The following BASP1 variants were observed in gnomAD, a reference collection of about 807,000 sequenced individuals.
BASP1 encodes the protein brain abundant membrane attached signal protein 1.
Under a neutral mutation model 2.2 loss-of-function variants are expected in BASP1, and 1 was observed. That is an observed-to-expected ratio of 0.46 (90% confidence interval 0.16 to 2.17). The LOEUF (loss-of-function observed/expected upper bound fraction) is 2.17, where lower values mean the gene tolerates loss of function less well. Ranked by LOEUF, BASP1 falls within the 30% of genes most tolerant of loss-of-function variation. BASP1 has a pLI of 0.27. For missense variants in BASP1, 352 were observed against 327.2 expected, an observed-to-expected ratio of 1.08 and a Z score of -0.58; for synonymous variants, 187 against 154.2, an observed-to-expected ratio of 1.21 and a Z score of -1.58.
At chr5:17,262,865 GAGA>G (rs1359611832) in intron 1 of BASP1, among the ~76,000 whole-genome samples, 5 of 120,778 alleles carry the variant, frequency 4.1e-5, no homozygotes, top group Non-Finnish European at 8.5e-5. Flanking sequence ...TTTTTTTTTT[GAGA>G]AGGAGTCTTG....
chr5:17,263,950 G>A (rs970963764), intron 1 of BASP1, among the ~76,000 whole-genome samples: 1 of 152,150 alleles, frequency 6.6e-6, no homozygotes, highest in African/African-American at 2.4e-5. Context: ...GATGTTATTA[G>A]AATTGCTAAA....
chr5:17,248,268 C>T (rs559254269), intron 1 of BASP1, among the ~76,000 whole-genome samples: 2 of 152,266 alleles, frequency 1.3e-5, no homozygotes, highest in South Asian at 4.1e-4. Context: ...ACCAAATGTC[C>T]GTTATCTGGA....
At chr5:17,258,323 T>A (rs957108260) in intron 1 of BASP1, among the ~76,000 whole-genome samples, 2 of 152,220 alleles carry the variant, frequency 1.3e-5, no homozygotes, top group Non-Finnish European at 2.9e-5. Context: ...TTTCAGGTTT[T>A]ACAGATGATG....
At chr5:17,257,221 T>C (rs929058612) in intron 1 of BASP1, among the ~76,000 whole-genome samples, 1 of 152,212 alleles carries the variant, frequency 6.6e-6, no homozygotes, top group Non-Finnish European at 1.5e-5. Context: ...CATTGTGAGA[T>C]TTATTAACAT....
chr5:17,245,594 A>G (rs1212323610), intron 1 of BASP1, among the ~76,000 whole-genome samples: 1 of 152,152 alleles, frequency 6.6e-6, no homozygotes, highest in Non-Finnish European at 1.5e-5. Context: ...GATTAATGAT[A>G]ATAAATTTTA....
At chr5:17,250,542 A>G (rs1740081452) in intron 1 of BASP1, among the ~76,000 whole-genome samples, 1 of 152,218 alleles carries the variant, frequency 6.6e-6, no homozygotes, top group Admixed American at 6.5e-5. Context: ...AGAGATGATC[A>G]TAGGGGAAGG....
intron 1 of BASP1, among the ~76,000 whole-genome samples, chr5:17,252,485 T>G (rs377410129): frequency 2.0e-5 from 3 of 152,184 alleles, no homozygotes; most frequent in Non-Finnish European, 4.4e-5. Flanking sequence ...GGGATGGAAC[T>G]CTTGCTTGAC....
At chr5:17,248,252 G>T (rs1198220813) in intron 1 of BASP1, among the ~76,000 whole-genome samples, 2 of 152,200 alleles carry the variant, frequency 1.3e-5, no homozygotes, top group Non-Finnish European at 2.9e-5. Flanking sequence ...AAAGGACCTA[G>T]TTGATACCAA....
At chr5:17,217,619 G>C (rs948748370), upstream of BASP1, 1 of 156,290 alleles carries the variant, frequency 6.4e-6, no homozygotes, top group Non-Finnish European at 1.4e-5. Flanking sequence ...CTGCAGCGGC[G>C]GCGGCGGCGG....
At chr5:17,272,613 T>C (rs1740552689) in intron 1 of BASP1, among the ~76,000 whole-genome samples, 1 of 152,334 alleles carries the variant, frequency 6.6e-6, no homozygotes, top group Admixed American at 6.5e-5. Context: ...ATCCTGCTTT[T>C]CGAGGGTTCA....
At chr5:17,269,131 T>A (rs563782334) in intron 1 of BASP1, among the ~76,000 whole-genome samples, 4 of 152,212 alleles carry the variant, frequency 2.6e-5, no homozygotes, top group Non-Finnish European at 5.9e-5. Flanking sequence ...TCACCTTACC[T>A]TGCTGACCTA....
chr5:17,238,285 C>T (rs1033700425), intron 1 of BASP1, among the ~76,000 whole-genome samples: 4 of 151,770 alleles, frequency 2.6e-5, no homozygotes, highest in Non-Finnish European at 5.9e-5. Context: ...ATTCATTCTA[C>T]GTAGCTGGCT....
At chr5:17,227,228 C>A (rs1739528376) in intron 1 of BASP1, among the ~76,000 whole-genome samples, 1 of 138,340 alleles carries the variant, frequency 7.2e-6, no homozygotes, top group African/African-American at 2.7e-5. Flanking sequence ...CGCACCCGTC[C>A]TTTTTTCTTT....
chr5:17,228,723 G>A lies in BASP1; in HGVS notation c.-10+10913G>A, dbSNP rs115616717. On this transcript the variant is annotated intron_variant, in intron 1 of 1. Coordinates refer to ENST00000322611, the MANE Select transcript of BASP1 (RefSeq NM_006317.5). ...GACCAGTTGGCAGATTGGGACACAC[G>A]TACAAACACTATTCCTTTAACTTGC... Among the ~76,000 whole-genome samples the A allele has an allele frequency of 3.9e-5, 6 of 152,294 alleles. No homozygotes were observed. The South Asian group carries it at 6.2e-4, about 16-fold the overall frequency.
chr5:17,230,034 G>A (rs1366934020), intron 1 of BASP1, among the ~76,000 whole-genome samples: 2 of 152,060 alleles, frequency 1.3e-5, no homozygotes, highest in South Asian at 2.1e-4. Flanking sequence ...TTACAGGCAT[G>A]AGCTACCGCA....
chr5:17,225,334 G>A (rs151193655), intron 1 of BASP1, among the ~76,000 whole-genome samples: 17 of 150,194 alleles, frequency 1.1e-4, no homozygotes, highest in Middle Eastern at 3.2e-3. Context: ...AGACCTCTTC[G>A]GCCTTTTAAT....
At chr5:17,221,092 T>C (rs1269485177) in intron 1 of BASP1, among the ~76,000 whole-genome samples, 1 of 152,218 alleles carries the variant, frequency 6.6e-6, no homozygotes, top group East Asian at 1.9e-4. Flanking sequence ...TGGTATAGAA[T>C]ATTATTTTAT....
intron 1 of BASP1, among the ~76,000 whole-genome samples, chr5:17,230,856 C>T (rs537986552): frequency 6.6e-6 from 1 of 152,296 alleles, no homozygotes; most frequent in South Asian, 2.1e-4. Context: ...GCCACTGCGC[C>T]CAGCCCGAGA....
At chr5:17,267,546 T>C (rs1740438817) in intron 1 of BASP1, among the ~76,000 whole-genome samples, 1 of 151,748 alleles carries the variant, frequency 6.6e-6, no homozygotes. Flanking sequence ...GAAGTCTTGC[T>C]CTGTCACCAG....
Sources: allele counts gnomAD v4.1 joint callset (sites outside exome capture counted in the v4.1 genomes callset), GRCh38; gene constraint gnomAD v4.1.1; transcripts MANE v1.5; gene names NCBI Gene and HGNC (gene_info 2026-07-23, HGNC 2026-07-21).